Variants in CNTN5 observed in about 807,000 individuals in gnomAD.
The protein encoded by CNTN5 is contactin-5.
In CNTN5, 77 loss-of-function variants were observed where a neutral mutation model predicts 129.1. That is an observed-to-expected ratio of 0.60 (90% CI 0.50 to 0.72). The LOEUF (loss-of-function observed/expected upper bound fraction) is 0.72. Ranked by LOEUF, CNTN5 falls within the 30% of genes least tolerant of loss-of-function variation. The pLI is 0.00. For missense variants in CNTN5, 1,478 were observed against 1,328.8 expected (o/e 1.11, Z -1.75); for synonymous variants, 509 against 465.6 (o/e 1.09, Z -1.20).
chr11:99,326,726 AC>A (rs1865801856), intron 2 of CNTN5, among the ~76,000 whole-genome samples: 1 of 152,174 alleles, frequency 6.6e-6, no homozygotes, highest in Non-Finnish European at 1.5e-5. Context: ...AAGAAAAGCA[AC>A]CACATAAAAG....
intron 2 of CNTN5, among the ~76,000 whole-genome samples, chr11:99,409,044 T>G (rs1942265187): frequency 6.6e-6 from 1 of 152,256 alleles, no homozygotes. Flanking sequence ...ATTCTAATAG[T>G]AGTGAATTAG....
intron 6 of CNTN5, among the ~76,000 whole-genome samples, chr11:99,859,337 T>C (rs1948137397): frequency 6.6e-6 from 1 of 152,222 alleles, no homozygotes; most frequent in Non-Finnish European, 1.5e-5. Context: ...CCTTTTTTAT[T>C]TTCAATTGAT....
chr11:100,243,128 C>A (rs570999359), intron 16 of CNTN5, among the ~76,000 whole-genome samples: 3 of 152,178 alleles, frequency 2.0e-5, no homozygotes, highest in Admixed American at 6.5e-5. Context: ...GTAGTGTGCA[C>A]GTGCGTGTGC....
rs201773265 is a variant in CNTN5 at position 99,517,084 on chromosome 11, A to G, written c.-70-39061A>G. On this transcript the variant is annotated intron_variant, in intron 2 of 24. Transcript: ENST00000524871. ...CACACAGTTGAATTCTCCACAAATG[A>G]TCTAAGTTTATTCCTTACAACACCC... Among the ~76,000 whole-genome samples the G allele has an allele frequency of 3.9e-5, 6 of 152,200 alleles. No homozygotes were observed. In the East Asian group the frequency reaches 7.8e-4, roughly 20 times the overall value.
chr11:99,053,689 A>G (rs748978045), intron 1 of CNTN5, among the ~76,000 whole-genome samples: 2 of 151,980 alleles, frequency 1.3e-5, no homozygotes, highest in Admixed American at 6.6e-5. Context: ...TAGAAGTAAA[A>G]CAGGTCAGAA....
chr11:99,837,595 A>G (rs1947345834), intron 4 of CNTN5, among the ~76,000 whole-genome samples: 1 of 151,772 alleles, frequency 6.6e-6, no homozygotes, highest in African/African-American at 2.4e-5. Context: ...CCCATGTCAA[A>G]CCTAAAAAAG....
chr11:99,309,833 A>G (rs1865034632), intron 1 of CNTN5, among the ~76,000 whole-genome samples: 1 of 152,216 alleles, frequency 6.6e-6, no homozygotes, highest in African/African-American at 2.4e-5. Flanking sequence ...AAATTTAACT[A>G]TTAATATACA....
chr11:99,518,646 A>G (rs1419543542), intron 2 of CNTN5, among the ~76,000 whole-genome samples: 1 of 152,138 alleles, frequency 6.6e-6, no homozygotes, highest in African/African-American at 2.4e-5. Flanking sequence ...TTAGTCAAAT[A>G]TACTATAAGC....
intron 3 of CNTN5, among the ~76,000 whole-genome samples, chr11:99,704,783 A>C (rs1484716890): frequency 6.6e-6 from 1 of 151,318 alleles, no homozygotes; most frequent in Non-Finnish European, 1.5e-5. Flanking sequence ...CACAGAGGAA[A>C]AATGAGGAGT....
At chr11:99,759,941 A>C (rs1201555739) in intron 3 of CNTN5, among the ~76,000 whole-genome samples, 3 of 152,082 alleles carry the variant, frequency 2.0e-5, no homozygotes, top group Non-Finnish European at 4.4e-5. Context: ...AGTCTAATTT[A>C]GTGAGGCCTA....
intron 6 of CNTN5, among the ~76,000 whole-genome samples, chr11:99,893,079 G>A (rs1257546070): frequency 1.3e-5 from 2 of 150,382 alleles, no homozygotes; most frequent in Non-Finnish European, 3.0e-5. Context: ...GAAAGATTGA[G>A]GACTGAGATC....
intron 2 of CNTN5, among the ~76,000 whole-genome samples, chr11:99,518,737 T>G (rs1947156144): frequency 6.6e-6 from 1 of 152,058 alleles, no homozygotes; most frequent in Non-Finnish European, 1.5e-5. Flanking sequence ...TTGAAATCAT[T>G]CCTAATATCT....
At chr11:99,282,826 A>G (rs193067965) in intron 1 of CNTN5, among the ~76,000 whole-genome samples, 1 of 152,188 alleles carries the variant, frequency 6.6e-6, no homozygotes, top group Admixed American at 6.6e-5. Context: ...CCTTCAGCTC[A>G]CAGTAATGTC....
At chr11:99,971,139 TATG>T (rs1951239535) in intron 8 of CNTN5, among the ~76,000 whole-genome samples, 4 of 152,334 alleles carry the variant, frequency 2.6e-5, no homozygotes, top group Admixed American at 2.6e-4. Context: ...CACACAGCCT[TATG>T]ATATCTCCAT....
chr11:99,228,589 T>A (rs752296079), intron 1 of CNTN5, among the ~76,000 whole-genome samples: 4 of 152,100 alleles, frequency 2.6e-5, no homozygotes, highest in Admixed American at 1.3e-4. Context: ...AAATGTTACA[T>A]GTACCCCTAA....
intron 3 of CNTN5, among the ~76,000 whole-genome samples, chr11:99,808,607 C>G (rs868534008): frequency 1.8e-4 from 27 of 152,140 alleles, no homozygotes; most frequent in Middle Eastern, 3.2e-3. Context: ...AAAAATCACT[C>G]GGGGACTTCA....
chr11:99,850,062 A>G (rs1390221330), intron 6 of CNTN5, among the ~76,000 whole-genome samples: 1 of 152,032 alleles, frequency 6.6e-6, no homozygotes, highest in Non-Finnish European at 1.5e-5. Context: ...AGTGTTCTGC[A>G]TTTCTTCTCA....
At chr11:99,159,858 A>G (rs1032011546) in intron 1 of CNTN5, among the ~76,000 whole-genome samples, 2 of 152,178 alleles carry the variant, frequency 1.3e-5, no homozygotes, top group African/African-American at 4.8e-5. Context: ...AAGTTGTTTA[A>G]TGATTAATGT....
chr11:99,351,523 A>G (rs1233829187), intron 2 of CNTN5, among the ~76,000 whole-genome samples: 7 of 152,180 alleles, frequency 4.6e-5, no homozygotes, highest in African/African-American at 1.7e-4. Context: ...CTTTCATCTA[A>G]TTTATAGTGT....
Sources: gnomAD v4.1 joint callset for allele counts (sites outside exome capture counted in the v4.1 genomes callset) on GRCh38, gnomAD v4.1.1 for gene constraint, MANE v1.5 for transcripts, NCBI Gene and HGNC (gene_info 2026-07-23, HGNC 2026-07-21) for gene names.